Variants in C6orf89 observed in about 807,000 individuals in gnomAD.
The protein encoded by C6orf89 is bombesin receptor-activated protein C6orf89.
A neutral mutation model predicts 40.7 loss-of-function variants in C6orf89; 29 were observed. That is an observed-to-expected ratio of 0.71 (90% CI 0.53 to 0.97). The LOEUF is 0.97. Among genes scored for constraint, C6orf89 ranks in the 50% least tolerant of loss-of-function variants. The pLI is 0.00. For synonymous variants in C6orf89, 165 were observed against 152.2 expected (o/e 1.08, Z -0.62); for missense variants, 392 against 429.1 (o/e 0.91, Z 0.76).
rs185401547 is a variant in C6orf89, at chr6:36,893,223, C to T, written c.-119-1281C>T. ...TGCTGGGATTACAGGCGTGAGCCAC[C>T]GCGCCCGGCCTTGATTTTTTTTTTT... On this transcript the variant is annotated intron_variant, in intron 1 of 8. Transcript: ENST00000480824. Among the ~76,000 whole-genome samples the T allele has an allele frequency of 1.4e-4, 22 of 152,114 alleles. 1 individual carries two copies. The East Asian group carries it at 3.7e-3, about 25-fold the overall frequency.
intron 2 of C6orf89, among the ~76,000 whole-genome samples, chr6:36,898,833 A>T (rs999447924): frequency 5.9e-5 from 9 of 152,146 alleles, no homozygotes; most frequent in East Asian, 3.9e-4. Context: ...AGAAGAAATT[A>T]AAAAAAAGAA....
chr6:36,899,603 G>T lies in C6orf89; in HGVS notation c.159G>T (p.Pro53=). The part of the protein sequence containing the change: ...LEKNEPQRPP[P]QYPLLIVVYK... ...AGAATGAACCTCAGAGACCCCCCCC[G>T]CAGTATCCTCTCCTTATAGTTGTGT... The change falls in exon 3 of 9, where the codon CCG becomes CCT. Residue 53 remains proline (P), a synonymous_variant. Transcript: ENST00000480824. 1 of 1,613,924 alleles carries T rather than the reference G, an allele frequency of 6.2e-7. No individual in the cohort carries two copies. Among genetic ancestry groups the T allele is most frequent in the African/African-American group, 1.3e-5 (1 of 74,942 alleles).
upstream of C6orf89, among the ~76,000 whole-genome samples, chr6:36,881,117 C>T (rs865832767): frequency 6.6e-6 from 1 of 152,138 alleles, no homozygotes; most frequent in Admixed American, 6.5e-5. Flanking sequence ...GGGCTCCACA[C>T]CTAGTACATA....
At chr6:36,893,647 A>G (rs571218738) in intron 1 of C6orf89, among the ~76,000 whole-genome samples, 4 of 152,200 alleles carry the variant, frequency 2.6e-5, no homozygotes, top group Non-Finnish European at 5.9e-5. Flanking sequence ...AAAAAGGCTT[A>G]CAGGCCAGGC....
intron 1 of C6orf89, chr6:36,874,847 T>G: frequency 1.4e-5 from 22 of 1,522,748 alleles, no homozygotes; most frequent in Non-Finnish European, 2.0e-5. Context: ...CCGTCGCTGC[T>G]GCACACTTCC....
At chr6:36,883,189 A>T (rs1774872772), upstream of C6orf89, 1 of 152,230 alleles carries the variant, frequency 6.6e-6, no homozygotes. Flanking sequence ...ACAATCTAGA[A>T]CCTGCAGATT....
rs372866563 is a variant in C6orf89, at chr6:36,902,319, C to G, written c.288C>G (p.Thr96=). The G allele has an allele frequency of 1.2e-6, 2 of 1,614,094 alleles. No homozygotes were observed. The highest frequency in any genetic ancestry group is 1.7e-6 in the Non-Finnish European group (2 of 1,180,042). ...AGCCAGTGCTTTCTGGAGCTCACAC[C>G]TGGCGCTCACTCATCCATCACATTA... is the stretch of plus-strand genomic sequence containing the variant. The part of the protein sequence containing the change: ...APEPVLSGAH[T]WRSLIHHIRL... The change falls in exon 4 of 9, where the codon ACC becomes ACG. Residue 96 remains threonine, a synonymous_variant. Coordinates refer to ENST00000480824, the MANE Select transcript of C6orf89 (RefSeq NM_001286635.2).
At chr6:36,890,123 C>T (rs1422150656) in intron 1 of C6orf89, among the ~76,000 whole-genome samples, 1 of 152,096 alleles carries the variant, frequency 6.6e-6, no homozygotes, top group Non-Finnish European at 1.5e-5. Context: ...CTCCTGCCTT[C>T]TTACTTATTA....
intron 1 of C6orf89, among the ~76,000 whole-genome samples, chr6:36,893,239 T>A (rs1205217470): frequency 6.8e-6 from 1 of 147,592 alleles, no homozygotes; most frequent in East Asian, 2.0e-4. Flanking sequence ...CGGCCTTGAT[T>A]TTTTTTTTTT....
intron 6 of C6orf89, among the ~76,000 whole-genome samples, chr6:36,915,999 G>A (rs1053674106): frequency 6.6e-6 from 1 of 152,076 alleles, no homozygotes; most frequent in Non-Finnish European, 1.5e-5. Flanking sequence ...CTGTTTGTTT[G>A]CGTGCTAGAG....
chr6:36,912,273 A>G (rs998631682), intron 4 of C6orf89, among the ~76,000 whole-genome samples: 3 of 152,194 alleles, frequency 2.0e-5, no homozygotes, highest in Admixed American at 1.3e-4. Flanking sequence ...GTTCATCCAC[A>G]GAATGAGAAT....
chr6:36,901,442 C>T (rs1761709547), intron 3 of C6orf89, among the ~76,000 whole-genome samples: 1 of 142,980 alleles, frequency 7.0e-6, no homozygotes, highest in Non-Finnish European at 1.5e-5. Flanking sequence ...TCACACCATT[C>T]TCCTGCCTCA....
intron 4 of C6orf89, among the ~76,000 whole-genome samples, chr6:36,903,900 G>C (rs1161809496): frequency 6.6e-6 from 1 of 151,518 alleles, no homozygotes; most frequent in African/African-American, 2.4e-5. Context: ...GAAAATTTCA[G>C]ATGTAACTTC....
chr6:36,916,381 C>G lies in C6orf89; in HGVS notation c.696-64C>G, dbSNP rs937671001. 3.1e-6 allele frequency: 5 copies of G among 1,596,842 alleles called. No individual in the cohort carries two copies. The African/African-American group carries it at 6.7e-5, about 22-fold the overall frequency. On this transcript the variant is annotated intron_variant, in intron 6 of 8. Transcript: ENST00000480824. ...ACAGTTTTCCCACCCTTACTTGGCTCTCTCTTAGTCATGGGCTGGCTTGAC... is the reference window on the plus strand; with the variant it reads ...ACAGTTTTCCCACCCTTACTTGGCTGTCTCTTAGTCATGGGCTGGCTTGAC...
chr6:36,874,745 G>A, intron 1 of C6orf89: 1 of 1,614,182 alleles, frequency 6.2e-7, no homozygotes, highest in Non-Finnish European at 8.5e-7. Flanking sequence ...TTGGGTGGCT[G>A]CCAGGAATCT....
chr6:36,909,782 C>CAAA (rs34739520), intron 4 of C6orf89, among the ~76,000 whole-genome samples: 1 of 91,102 alleles, frequency 1.1e-5, no homozygotes. Context: ...GAGCCTGTCT[C>CAAA]AAAAAAAAAA....
intron 2 of C6orf89, among the ~76,000 whole-genome samples, chr6:36,897,131 A>G (rs1185588299): frequency 3.2e-5 from 1 of 31,588 alleles, no homozygotes; most frequent in African/African-American, 2.0e-4. Flanking sequence ...CTCTGTCTCA[A>G]AAAAAAAAAA....
At chr6:36,897,423 G>A (rs535194636) in intron 2 of C6orf89, among the ~76,000 whole-genome samples, 1 of 152,242 alleles carries the variant, frequency 6.6e-6, no homozygotes, top group African/African-American at 2.4e-5. Flanking sequence ...TCCTGGGTTG[G>A]TAGAAAAAAA....
At chr6:36,882,722 TTTTTCTTTTTTC>T (rs1430083404), upstream of C6orf89, among the ~76,000 whole-genome samples, 29,311 of 122,340 alleles carry the variant, frequency 0.24, 3,518 homozygotes, top group East Asian at 0.34. Flanking sequence ...TCTTTTTTTT[TTTTTCTTTTTTC>T]TTTTTTTTTT....
Sources: allele counts gnomAD v4.1 joint callset (sites outside exome capture counted in the v4.1 genomes callset), GRCh38; gene constraint gnomAD v4.1.1; transcripts MANE v1.5; gene names NCBI Gene and HGNC (gene_info 2026-07-23, HGNC 2026-07-21).